Variants in TMEM132D observed in about 807,000 individuals in gnomAD.
TMEM132D encodes transmembrane protein 132D, also known as mature OL transmembrane protein.
In TMEM132D, 21 loss-of-function variants were observed where a neutral mutation model predicts 62.3. The observed-to-expected ratio is 0.34, with a 90% CI of 0.24 to 0.49. The LOEUF (loss-of-function observed/expected upper bound fraction) is 0.49, where lower values mean the gene tolerates loss of function less well. Among genes scored for constraint, TMEM132D ranks in the 20% least tolerant of loss-of-function variants. The pLI, the probability that TMEM132D is intolerant of heterozygous loss-of-function variation, is 0.99. For missense variants in TMEM132D, 1,346 were observed against 1,402.8 expected, an observed-to-expected ratio of 0.96 and a Z score of 0.65; for synonymous variants, 621 against 575.6, an observed-to-expected ratio of 1.08 and a Z score of -1.13.
chr12:129,770,132 T>G (rs1019791497), intron 1 of TMEM132D, among the ~76,000 whole-genome samples: 39 of 101,534 alleles, frequency 3.8e-4, no homozygotes, highest in African/African-American at 1.1e-3. Flanking sequence ...TCTTTGTGGG[T>G]TTTTTTGGTT....
In TMEM132D at chr12:129,200,749, G is replaced by A. The variant is rs1422689309; in HGVS notation, c.1443+8771C>T. ...ACCACTCTCCTCTCCTCAGGAACAG[G>A]CTGCTGGAAGAGGAGCCAGGCCATT... On this transcript the variant is annotated intron_variant, in intron 5 of 8. Transcript: ENST00000422113. Among the ~76,000 whole-genome samples, 4 of 152,218 alleles carry A rather than the reference G, an allele frequency of 2.6e-5. 1 individual carries two copies. The highest frequency in any genetic ancestry group is 5.9e-5 in the Non-Finnish European group (4 of 68,034).
chr12:129,709,903 T>A (rs1277971590), intron 1 of TMEM132D, among the ~76,000 whole-genome samples: 2 of 152,230 alleles, frequency 1.3e-5, no homozygotes, highest in Non-Finnish European at 2.9e-5. Context: ...ACACAAAAAT[T>A]GTAATCTCTT....
intron 5 of TMEM132D, among the ~76,000 whole-genome samples, chr12:129,185,215 C>G (rs1327289520): frequency 6.6e-6 from 1 of 152,126 alleles, no homozygotes; most frequent in South Asian, 2.1e-4. Context: ...GATGAACAGA[C>G]CATCCAGGGC....
chr12:129,591,715 T>C (rs1440739429), intron 2 of TMEM132D, among the ~76,000 whole-genome samples: 1 of 152,072 alleles, frequency 6.6e-6, no homozygotes, highest in African/African-American at 2.4e-5. Context: ...CGAAGCTTTT[T>C]TCCCCCTCTA....
At chr12:129,452,542 G>A (rs1432205344) in intron 3 of TMEM132D, among the ~76,000 whole-genome samples, 2 of 152,188 alleles carry the variant, frequency 1.3e-5, no homozygotes, top group East Asian at 1.9e-4. Context: ...CCCTGTCAAT[G>A]TACAGGTAAA....
At chr12:129,783,050 G>A (rs1871164592) in intron 1 of TMEM132D, among the ~76,000 whole-genome samples, 1 of 152,146 alleles carries the variant, frequency 6.6e-6, no homozygotes, top group Non-Finnish European at 1.5e-5. Context: ...GCTAGTAAAC[G>A]TCGCCCTAAA....
chr12:129,734,841 A>T (rs1179976375), intron 1 of TMEM132D, among the ~76,000 whole-genome samples: 2 of 152,160 alleles, frequency 1.3e-5, no homozygotes, highest in African/African-American at 4.8e-5. Flanking sequence ...AAATTTCTGA[A>T]TTTAAACAAA....
intron 3 of TMEM132D, among the ~76,000 whole-genome samples, chr12:129,378,457 CTAGGAG>C (rs1447620582): frequency 6.6e-6 from 1 of 152,180 alleles, no homozygotes. Flanking sequence ...TTCTCAATAG[CTAGGAG>C]TAGATTTCTC....
intron 1 of TMEM132D, among the ~76,000 whole-genome samples, chr12:129,824,153 A>G (rs191764732): frequency 2.0e-5 from 3 of 152,314 alleles, no homozygotes; most frequent in East Asian, 3.9e-4. Context: ...ACCAAAGCAT[A>G]CAAGAAACCA....
intron 5 of TMEM132D, among the ~76,000 whole-genome samples, chr12:129,200,731 T>G (rs2135561090): frequency 6.6e-6 from 1 of 152,248 alleles, no homozygotes; most frequent in Non-Finnish European, 1.5e-5. Flanking sequence ...TCCACCACTC[T>G]CCTCTCCTCA....
chr12:129,636,033 AT>A (rs1391297054), intron 2 of TMEM132D, among the ~76,000 whole-genome samples: 2 of 152,256 alleles, frequency 1.3e-5, no homozygotes, highest in African/African-American at 4.8e-5. Flanking sequence ...AAGAGCTGGA[AT>A]CAATAGAAAG....
chr12:129,553,924 A>T (rs952136030), intron 2 of TMEM132D, among the ~76,000 whole-genome samples: 2 of 152,174 alleles, frequency 1.3e-5, no homozygotes, highest in Non-Finnish European at 2.9e-5. Context: ...TATGTCCAAA[A>T]GCCAGGGCCC....
chr12:129,179,067 AT>A (rs1364121258), intron 5 of TMEM132D, among the ~76,000 whole-genome samples: 2 of 152,190 alleles, frequency 1.3e-5, no homozygotes, highest in Non-Finnish European at 2.9e-5. Context: ...GAAAGAGGAC[AT>A]GCTGCTTGGG....
At chr12:129,565,580 G>A (rs183863995) in intron 2 of TMEM132D, among the ~76,000 whole-genome samples, 6 of 152,320 alleles carry the variant, frequency 3.9e-5, no homozygotes, top group African/African-American at 1.4e-4. Context: ...TTGGCTGAGA[G>A]GAGGGGGTCA....
intron 2 of TMEM132D, 86 bp downstream of exon 2, chr12:129,699,723 AT>A: frequency 6.5e-7 from 1 of 1,531,338 alleles, no homozygotes; most frequent in Middle Eastern, 1.9e-4. Context: ...TCGGTGAGCG[AT>A]AACACAGCTT....
intron 4 of TMEM132D, among the ~76,000 whole-genome samples, chr12:129,306,891 G>A (rs1008050135): frequency 3.7e-4 from 56 of 152,138 alleles, no homozygotes; most frequent in African/African-American, 1.1e-3. Context: ...GGAAGTGAGC[G>A]CCCGACTGGC....
chr12:129,840,709 T>C (rs961489329), intron 1 of TMEM132D, among the ~76,000 whole-genome samples: 8 of 152,186 alleles, frequency 5.3e-5, no homozygotes, highest in Non-Finnish European at 1.2e-4. Flanking sequence ...CCAGACTGTG[T>C]TCCAGTCCCA....
At chr12:129,658,367 G>C (rs988654066) in intron 2 of TMEM132D, among the ~76,000 whole-genome samples, 1 of 152,106 alleles carries the variant, frequency 6.6e-6, no homozygotes, top group Non-Finnish European at 1.5e-5. Context: ...CTAAGAGGGG[G>C]TGTATTACTT....
intron 5 of TMEM132D, among the ~76,000 whole-genome samples, chr12:129,129,402 C>T (rs964292589): frequency 2.6e-5 from 4 of 152,078 alleles, no homozygotes; most frequent in Non-Finnish European, 4.4e-5. Context: ...TTGATGGGCA[C>T]GTTGGTTGAT....
Sources: allele counts gnomAD v4.1 joint callset (sites outside exome capture counted in the v4.1 genomes callset), GRCh38; gene constraint gnomAD v4.1.1; transcripts MANE v1.5; gene names NCBI Gene and HGNC (gene_info 2026-07-23, HGNC 2026-07-21).